Variants in ANKRD11 observed in about 807,000 individuals in gnomAD.
The protein encoded by ANKRD11 is ankyrin repeat domain 11.
Under a neutral mutation model 195.7 loss-of-function variants are expected in ANKRD11, and 17 were observed. The observed-to-expected ratio is 0.09, with a 90% confidence interval of 0.06 to 0.13. The LOEUF (loss-of-function observed/expected upper bound fraction) is 0.13. Among genes scored for constraint, ANKRD11 ranks in the 10% least tolerant of loss-of-function variants. The probability of loss-of-function intolerance (pLI) is 1.00; values close to 1 mark genes in which losing one functional copy is unlikely to be tolerated. For missense variants in ANKRD11, 3,735 were observed against 3,566.1 expected (o/e 1.05, Z -1.21); for synonymous variants, 1,953 against 1,528.1 (o/e 1.28, Z -6.49).
At chr16:89,315,113 G>A (rs963395562) in intron 3 of ANKRD11, among the ~76,000 whole-genome samples, 3 of 152,176 alleles carry the variant, frequency 2.0e-5, no homozygotes, top group Admixed American at 1.3e-4. Context: ...CTCTCGGGGT[G>A]AAACCACACC....
rs181625701 is a variant in ANKRD11, at chr16:89,386,591, G to C, written c.-60+31693C>G. 1.1e-3 allele frequency among the ~76,000 whole-genome samples: 160 copies of C among 152,324 alleles called. 2 individuals are homozygous for C. The highest frequency in any genetic ancestry group is 1.4e-3 in the Non-Finnish European group (93 of 68,032). On this transcript the variant is annotated intron_variant, in intron 2 of 12. Transcript: ENST00000301030. Reference sequence around the variant, plus strand: ...TCCTGCAAGATGCCCGCGGGGAGGAGTGTATCCAAAAGCACCCTACAGGAC... The same window carrying C: ...TCCTGCAAGATGCCCGCGGGGAGGACTGTATCCAAAAGCACCCTACAGGAC...
At chr16:89,289,200 T>C (rs957114159) in intron 6 of ANKRD11, among the ~76,000 whole-genome samples, 1 of 151,962 alleles carries the variant, frequency 6.6e-6, no homozygotes, top group African/African-American at 2.4e-5. Flanking sequence ...TCGGACGGTG[T>C]GGCCGCACGC....
chr16:89,337,406 A>G (rs1161182401), intron 2 of ANKRD11, among the ~76,000 whole-genome samples: 1 of 138,374 alleles, frequency 7.2e-6, no homozygotes, highest in Non-Finnish European at 1.5e-5. Flanking sequence ...ACTGCACAAT[A>G]CATGAACATG....
In ANKRD11 at chr16:89,279,405, GGC is replaced by G. The variant is rs2033961974; in HGVS notation, c.7135_7136del (p.Ala2379ProfsTer152). On this transcript the variant is annotated frameshift_variant, in exon 9 of 13. Coordinates refer to ENST00000301030, the MANE Select transcript of ANKRD11 (RefSeq NM_013275.6). LOFTEE classifies it high-confidence loss of function. The surrounding 1 kb of genome is among the most constrained non-coding windows in gnomAD (Gnocchi z 5.6). ...AKARGSEDDD[A>X]QAQHPRKRRF... is the part of the protein sequence containing the mutation. ...GGCGTTTGCGCGGATGCTGGGCCTG[GGC>G]GTCGTCGTCCTCGGAGCCGCGGGCC... The G allele has an allele frequency of 6.5e-7, 1 of 1,543,760 alleles. No homozygotes were observed. Among genetic ancestry groups the G allele is most frequent in the Non-Finnish European group, 8.7e-7 (1 of 1,148,628 alleles).
At chr16:89,325,469 T>TCACACACACA (rs59319003) in intron 2 of ANKRD11, among the ~76,000 whole-genome samples, 1 of 147,640 alleles carries the variant, frequency 6.8e-6, no homozygotes, top group African/African-American at 2.6e-5. Context: ...TCTCTCTCTC[T>TCACACACACA]CACACACACA....
chr16:89,409,870 C>T (rs944797813), intron 2 of ANKRD11, among the ~76,000 whole-genome samples: 10 of 142,768 alleles, frequency 7.0e-5, no homozygotes, highest in Admixed American at 5.4e-4. Context: ...ATGGGAGTCT[C>T]GCTCTGTCGC....
At chr16:89,341,412 C>A (rs971600727) in intron 2 of ANKRD11, among the ~76,000 whole-genome samples, 1 of 152,212 alleles carries the variant, frequency 6.6e-6, no homozygotes, top group Non-Finnish European at 1.5e-5. Flanking sequence ...AAGGCCCCAA[C>A]GTGAACAGAC....
intron 2 of ANKRD11, among the ~76,000 whole-genome samples, chr16:89,389,406 A>G (rs1317624707): frequency 1.3e-5 from 2 of 152,170 alleles, no homozygotes; most frequent in African/African-American, 2.4e-5. Flanking sequence ...ATAAGAAAAT[A>G]TGATTACATA....
In ANKRD11 at chr16:89,275,079, G is replaced by T. The variant is rs758994547; in HGVS notation, c.7569+14C>A. On this transcript the variant is annotated intron_variant, in intron 10 of 12. Transcript: ENST00000301030. ...CTGGCCGTGGCGCCCCCCTGCCTGT[G>T]CCAGCCCACTTACCCGCTCGATGCT... The T allele has an allele frequency of 2.2e-5, 35 of 1,612,692 alleles. No homozygotes were observed. The Admixed American group carries it at 5.8e-4, about 27-fold the overall frequency.
At chr16:89,409,176 T>G (rs925816729) in intron 2 of ANKRD11, among the ~76,000 whole-genome samples, 1 of 152,178 alleles carries the variant, frequency 6.6e-6, no homozygotes, top group Non-Finnish European at 1.5e-5. Context: ...GCCGACGGTC[T>G]GAGGAAATGA....
chr16:89,408,539 G>C (rs2041997965), intron 2 of ANKRD11, among the ~76,000 whole-genome samples: 1 of 152,232 alleles, frequency 6.6e-6, no homozygotes, highest in Admixed American at 6.5e-5. Context: ...TCTGGCAGGA[G>C]TGTAACAGCC....
chr16:89,371,201 T>A (rs1244443849), intron 2 of ANKRD11, among the ~76,000 whole-genome samples: 1 of 152,088 alleles, frequency 6.6e-6, no homozygotes, highest in Non-Finnish European at 1.5e-5. Flanking sequence ...ATGCAACGAC[T>A]CTCACTACCT....
chr16:89,337,772 T>C (rs1320382719), intron 2 of ANKRD11, among the ~76,000 whole-genome samples: 1 of 152,198 alleles, frequency 6.6e-6, no homozygotes, highest in Non-Finnish European at 1.5e-5. Context: ...GCAGACAATG[T>C]GCAGGTCTTT....
intron 1 of ANKRD11, among the ~76,000 whole-genome samples, chr16:89,484,047 A>G (rs1422107186): frequency 6.6e-6 from 1 of 152,032 alleles, no homozygotes; most frequent in Non-Finnish European, 1.5e-5. Flanking sequence ...CTAACACTAC[A>G]AGCTCTCGAG....
chr16:89,419,097 GT>G (rs1229033700), intron 1 of ANKRD11, among the ~76,000 whole-genome samples: 1 of 152,166 alleles, frequency 6.6e-6, no homozygotes, highest in Non-Finnish European at 1.5e-5. Context: ...AGATAAGGTG[GT>G]TTTCATTTCC....
intron 4 of ANKRD11, among the ~76,000 whole-genome samples, chr16:89,302,937 G>A (rs1434504540): frequency 6.6e-6 from 1 of 152,148 alleles, no homozygotes; most frequent in Non-Finnish European, 1.5e-5. Context: ...GAGCGAGAAT[G>A]GCCTCAGTGG....
chr16:89,382,109 G>A (rs978922748), intron 2 of ANKRD11, among the ~76,000 whole-genome samples: 2 of 152,202 alleles, frequency 1.3e-5, no homozygotes, highest in African/African-American at 2.4e-5. Context: ...GGGCGAGGGG[G>A]ACGCGGCCTC....
intron 1 of ANKRD11, among the ~76,000 whole-genome samples, chr16:89,427,120 A>T (rs572959211): frequency 4.5e-3 from 683 of 152,324 alleles, no homozygotes; most frequent in Non-Finnish European, 7.4e-3. Flanking sequence ...ATCATCATAC[A>T]CAAGCAATGA....
chr16:89,330,119 T>C (rs1449864202), intron 2 of ANKRD11, among the ~76,000 whole-genome samples: 4 of 152,234 alleles, frequency 2.6e-5, no homozygotes, highest in Non-Finnish European at 5.9e-5. Context: ...TTGAATGACA[T>C]TAAACATTTA....
Sources: allele counts gnomAD v4.1 joint callset (sites outside exome capture counted in the v4.1 genomes callset), GRCh38; gene constraint gnomAD v4.1.1; non-coding constraint Gnocchi (gnomAD v3.1); transcripts MANE v1.5; gene names NCBI Gene and HGNC (gene_info 2026-07-23, HGNC 2026-07-21).